GLS: variants seen among roughly 807,000 people sequenced by gnomAD.
The protein encoded by GLS is glutaminase.
A neutral mutation model predicts 86.7 loss-of-function variants in GLS; 36 were observed. That is an observed-to-expected ratio of 0.42 (90% CI 0.32 to 0.55). The LOEUF (loss-of-function observed/expected upper bound fraction) is 0.55, where lower values mean the gene tolerates loss of function less well. Among genes scored for constraint, GLS ranks in the 20% least tolerant of loss-of-function variants. The pLI is 0.17. For synonymous variants in GLS, 317 were observed against 305.9 expected, an observed-to-expected ratio of 1.04 and a Z score of -0.38; for missense variants, 528 against 833.4, an observed-to-expected ratio of 0.63 and a Z score of 4.51.
chr2:190,900,573 G>T lies in GLS; in HGVS notation c.615G>T (p.Gln205His). The T allele has an allele frequency of 1.3e-6, 2 of 1,598,858 alleles. No homozygotes were observed. The highest frequency in any genetic ancestry group is 1.1e-5 in the South Asian group (1 of 90,496). ...TTTTTACATTCTACAGATGTGTTCA[G>T]AGCAACATTGTTTTGTTGACACAAG... ...LDKDLFKKCV[Q>H]SNIVLLTQAF... is the part of the protein sequence containing the mutation. The change falls in exon 4 of 18, where the codon CAG becomes CAT. Residue 205 changes from glutamine to histidine, a missense_variant. Transcript: ENST00000320717.
chr2:190,902,713 G>T (rs538360629), intron 5 of GLS, among the ~76,000 whole-genome samples: 68 of 152,252 alleles, frequency 4.5e-4, no homozygotes, highest in Middle Eastern at 3.4e-3. Flanking sequence ...TCATTGTGCT[G>T]GGAATTAGAC....
At chr2:190,911,382 G>GT (rs1346717898) in intron 7 of GLS, among the ~76,000 whole-genome samples, 12 of 152,028 alleles carry the variant, frequency 7.9e-5, no homozygotes, top group African/African-American at 2.9e-4. Flanking sequence ...GAATCTATAT[G>GT]TTTACTTGTT....
chr2:190,933,067 C>T, intron 14 of GLS: 2 of 1,022,748 alleles, frequency 2.0e-6, no homozygotes, highest in South Asian at 9.7e-5. Flanking sequence ...AAAGTATTTA[C>T]AAGTACATAA....
rs148844293 is a variant in GLS at position 190,893,191 on chromosome 2, A to G, written c.387-1961A>G. 9.3e-3 allele frequency among the ~76,000 whole-genome samples: 1,414 copies of G among 152,280 alleles called. 15 individuals carry two copies. Among genetic ancestry groups the G allele is most frequent in the African/African-American group, 0.031 (1,285 of 41,550 alleles). On this transcript the variant is annotated intron_variant, in intron 1 of 17. Transcript: ENST00000320717. ...GGTGAGTATTGTTAAGCTGTGTTTA[A>G]TGGTATTAGGTCAGGATAAGACCTA...
intron 1 of GLS, 28 bp downstream of exon 1, chr2:190,881,498 C>T (rs1166659408): frequency 1.3e-6 from 2 of 1,531,596 alleles, no homozygotes; most frequent in Non-Finnish European, 1.8e-6. Context: ...GCGCAGGAGG[C>T]CTCGTTCCTT....
intron 6 of GLS, among the ~76,000 whole-genome samples, chr2:190,909,558 G>T (rs984900571): frequency 6.6e-6 from 1 of 152,030 alleles, no homozygotes; most frequent in African/African-American, 2.4e-5. Context: ...CTGTCCCCAA[G>T]ATTTTATTTT....
chr2:190,945,614 A>G (rs1336352481), intron 14 of GLS, among the ~76,000 whole-genome samples: 2 of 151,820 alleles, frequency 1.3e-5, no homozygotes, highest in African/African-American at 4.8e-5. Context: ...GCAGTGAGCC[A>G]TGATTGCAGC....
At chr2:190,881,515 C>T (rs1230995643) in intron 1 of GLS, 45 bp downstream of exon 1, 1 of 1,517,076 alleles carries the variant, frequency 6.6e-7, no homozygotes, top group Admixed American at 2.0e-5. Flanking sequence ...CCTTTCGGGG[C>T]CCGGGCTCAG....
chr2:190,940,784 C>T (rs1424878813), intron 14 of GLS, among the ~76,000 whole-genome samples: 1 of 150,298 alleles, frequency 6.7e-6, no homozygotes, highest in Non-Finnish European at 1.5e-5. Context: ...TTTTGTTCTC[C>T]TCATGTTGTT....
chr2:190,904,560 C>T (rs773536042), intron 5 of GLS, among the ~76,000 whole-genome samples: 7 of 151,948 alleles, frequency 4.6e-5, no homozygotes, highest in Non-Finnish European at 8.8e-5. Flanking sequence ...AACCACAGAT[C>T]GAAAATATTT....
At chr2:190,906,049 ATTTAT>A (rs1038950810) in intron 6 of GLS, among the ~76,000 whole-genome samples, 4 of 151,974 alleles carry the variant, frequency 2.6e-5, no homozygotes, top group Non-Finnish European at 5.9e-5. Context: ...TTCTCATCCT[ATTTAT>A]TTTGAGAGCA....
In GLS at chr2:190,900,648, C is replaced by T. The variant is rs1430159494; in HGVS notation, c.690C>T (p.His230=). The T allele has an allele frequency of 6.2e-7, 1 of 1,604,090 alleles. No individual in the cohort carries two copies. Among genetic ancestry groups the T allele is most frequent in the South Asian group, 1.1e-5 (1 of 90,816 alleles). The part of the protein sequence containing the change: ...VIPDFMSFTS[H]IDELYESAKK... ...CTGACTTTATGTCTTTTACCTCACA[C>T]ATTGATGAGTTATATGAAAGTGCTA... Residue 230 remains histidine (H), a synonymous_variant, in exon 4 of 18, where the codon CAC becomes CAT. Transcript: ENST00000320717.
At chr2:190,952,433 G>A (rs2124946758) in intron 14 of GLS, among the ~76,000 whole-genome samples, 1 of 152,264 alleles carries the variant, frequency 6.6e-6, no homozygotes, top group South Asian at 2.1e-4. Flanking sequence ...ACAAACACAG[G>A]ATCCTTATTT....
Position 190,895,270 on chromosome 2 carries a change from T to C in GLS, c.483+22T>C. ...TACAGTAAGTTTTTATATTTTTCTATCTTAACTTAAAAAAATCAATAATAA... is the reference window on the plus strand; with the variant it reads ...TACAGTAAGTTTTTATATTTTTCTACCTTAACTTAAAAAAATCAATAATAA... On this transcript the variant is annotated intron_variant, in intron 2 of 17. Transcript: ENST00000320717. This position sits in a 1 kb window ranked among gnomAD's most constrained non-coding sequence, Gnocchi z 4.2. 1 of 943,924 alleles carries C rather than the reference T, an allele frequency of 1.1e-6. No homozygotes were observed. Among genetic ancestry groups the C allele is most frequent in the Non-Finnish European group, 1.7e-6 (1 of 590,400 alleles). The allele number at this position is 943,924 out of a possible 1,614,324, so 58.5% of individuals were successfully genotyped here. A position where few individuals can be genotyped will look rare whatever the true frequency, so the allele number is the denominator to read the frequency against.
At chr2:190,957,517 C>T (rs1304459188) in intron 17 of GLS, among the ~76,000 whole-genome samples, 2 of 152,158 alleles carry the variant, frequency 1.3e-5, no homozygotes, top group African/African-American at 2.4e-5. Context: ...CAGTTTTTTG[C>T]CCATTCAGTA....
At position 190,949,720 on chromosome 2, in the gene GLS, C is replaced by T. The variant is rs912303509; in HGVS notation, c.1651-3845C>T. Among the ~76,000 whole-genome samples the T allele has an allele frequency of 4.0e-5, 6 of 151,514 alleles. No individual in the cohort carries two copies. The South Asian group carries it at 8.4e-4, about 21-fold the overall frequency. Reference sequence around the variant, plus strand: ...AAAAATAAAATGCAGGGTTGGGGGCCGATAGAGGAATTAATTTTGCAATTT... The same window carrying T: ...AAAAATAAAATGCAGGGTTGGGGGCTGATAGAGGAATTAATTTTGCAATTT... On this transcript the variant is annotated intron_variant, in intron 14 of 17. Coordinates refer to ENST00000320717, the MANE Select transcript of GLS (RefSeq NM_014905.5). This position sits in a 1 kb window ranked among gnomAD's most constrained non-coding sequence, Gnocchi z 4.0.
At position 190,907,382 on chromosome 2, in the gene GLS, C is replaced by T. The variant is rs191530871; in HGVS notation, c.979+2215C>T. Among the ~76,000 whole-genome samples the T allele has an allele frequency of 9.2e-3, 1,406 of 152,106 alleles. 17 individuals are homozygous for T. The highest frequency in any genetic ancestry group is 0.031 in the African/African-American group (1,278 of 41,482). On this transcript the variant is annotated intron_variant, in intron 6 of 17. Coordinates refer to ENST00000320717, the MANE Select transcript of GLS (RefSeq NM_014905.5). ...AAGCGATTCTCCTGCCTCAGCCTCC[C>T]GAGTAGCTGGGATTACAGGCATGTG...
intron 6 of GLS, among the ~76,000 whole-genome samples, chr2:190,908,696 A>T (rs1240790751): frequency 6.6e-6 from 1 of 152,220 alleles, no homozygotes; most frequent in African/African-American, 2.4e-5. Context: ...TCTTAGGCCG[A>T]GGTTTTATAC....
intron 7 of GLS, among the ~76,000 whole-genome samples, chr2:190,912,388 A>C (rs1167529978): frequency 7.3e-6 from 1 of 137,084 alleles, no homozygotes; most frequent in Non-Finnish European, 1.6e-5. Flanking sequence ...CAAATCTTGG[A>C]GAGCAAAGCC....
Sources: allele counts gnomAD v4.1 joint callset (sites outside exome capture counted in the v4.1 genomes callset), GRCh38; gene constraint gnomAD v4.1.1; non-coding constraint Gnocchi (gnomAD v3.1); transcripts MANE v1.5; gene names NCBI Gene and HGNC (gene_info 2026-07-23, HGNC 2026-07-21).